SEC63: variants seen among roughly 807,000 people sequenced by gnomAD.
The protein encoded by SEC63 is SEC63 protein translocation regulator, also known as translocation protein SEC63 homolog.
In SEC63, 56 loss-of-function variants were observed where a neutral mutation model predicts 116.2. That is an observed-to-expected ratio of 0.48 (90% CI 0.39 to 0.60). The LOEUF is 0.60. SEC63 is among the 20% of genes least tolerant of loss of function. The pLI is 0.00. For missense variants in SEC63, 668 were observed against 900.0 expected (o/e 0.74, Z 3.30); for synonymous variants, 273 against 294.6 (o/e 0.93, Z 0.75).
At chr6:107,896,646 C>CT (rs1370793158) in intron 14 of SEC63, among the ~76,000 whole-genome samples, 1 of 152,124 alleles carries the variant, frequency 6.6e-6, no homozygotes, top group Non-Finnish European at 1.5e-5. Flanking sequence ...ATTATGCACT[C>CT]TGATCATTTG....
chr6:107,896,478 G>A (rs536893285), intron 14 of SEC63, among the ~76,000 whole-genome samples: 6 of 152,140 alleles, frequency 3.9e-5, no homozygotes, highest in East Asian at 1.9e-4. Context: ...TCAAAAAAAA[G>A]ATGAAGGAAA....
intron 13 of SEC63, among the ~76,000 whole-genome samples, chr6:107,898,987 G>T (rs550339445): frequency 1.3e-5 from 2 of 152,150 alleles, no homozygotes; most frequent in Non-Finnish European, 2.9e-5. Flanking sequence ...CTTCACCCTG[G>T]AAGTCTCCAT....
At chr6:107,926,675 A>G (rs1173930647) in intron 2 of SEC63, among the ~76,000 whole-genome samples, 1 of 152,212 alleles carries the variant, frequency 6.6e-6, no homozygotes, top group East Asian at 1.9e-4. Flanking sequence ...TGTTTTCCCA[A>G]CTCATCCAAA....
intron 1 of SEC63, among the ~76,000 whole-genome samples, chr6:107,937,652 T>C (rs1770286459): frequency 6.6e-6 from 1 of 152,202 alleles, no homozygotes. Flanking sequence ...CTAGTTTACA[T>C]TCCCACCAGC....
chr6:107,955,496 T>G (rs1324744881), intron 1 of SEC63, among the ~76,000 whole-genome samples: 1 of 152,186 alleles, frequency 6.6e-6, no homozygotes, highest in East Asian at 1.9e-4. Flanking sequence ...TTAAATAAAG[T>G]AAAAGTTGAA....
chr6:107,927,301 G>C (rs1266321650), intron 2 of SEC63, among the ~76,000 whole-genome samples: 1 of 152,012 alleles, frequency 6.6e-6, no homozygotes, highest in African/African-American at 2.4e-5. Flanking sequence ...CCTGACCTCA[G>C]GGGATCCGCC....
chr6:107,890,845 T>C (rs1786663838), intron 16 of SEC63, among the ~76,000 whole-genome samples: 1 of 152,234 alleles, frequency 6.6e-6, no homozygotes, highest in Non-Finnish European at 1.5e-5. Context: ...TTTGGCTGGA[T>C]ATTAAATTCT....
intron 1 of SEC63, among the ~76,000 whole-genome samples, chr6:107,946,224 C>T (rs554783708): frequency 2.0e-5 from 3 of 151,254 alleles, no homozygotes; most frequent in African/African-American, 4.9e-5. Context: ...CATAAGCCAC[C>T]GCACCTGACC....
intron 4 of SEC63, among the ~76,000 whole-genome samples, chr6:107,914,519 A>G (rs556223293): frequency 1.3e-5 from 2 of 152,312 alleles, no homozygotes; most frequent in South Asian, 4.1e-4. Flanking sequence ...TCATTTATGC[A>G]AACAGGTGCC....
intron 1 of SEC63, among the ~76,000 whole-genome samples, chr6:107,934,699 GC>G (rs1770162888): frequency 2.6e-5 from 1 of 38,136 alleles, no homozygotes; most frequent in African/African-American, 1.3e-4. Flanking sequence ...CCGGCCAGCC[GC>G]CCCGTCCGGC....
intron 4 of SEC63, among the ~76,000 whole-genome samples, chr6:107,921,358 T>G (rs1271165497): frequency 6.6e-6 from 1 of 152,218 alleles, no homozygotes; most frequent in East Asian, 1.9e-4. Flanking sequence ...TTAGTGCTGC[T>G]GTGTAGCCCC....
intron 16 of SEC63, among the ~76,000 whole-genome samples, chr6:107,883,773 C>G (rs1786465528): frequency 6.6e-6 from 1 of 150,940 alleles, no homozygotes; most frequent in Non-Finnish European, 1.5e-5. Flanking sequence ...TGCCACAGCA[C>G]TTCAGTCTGG....
chr6:107,925,521 G>A (rs1036143857), intron 2 of SEC63, among the ~76,000 whole-genome samples: 1 of 152,002 alleles, frequency 6.6e-6, no homozygotes, highest in African/African-American at 2.4e-5. Context: ...GTTCATAATC[G>A]GTTAAAATAA....
chr6:107,950,175 T>A (rs1184123694), intron 1 of SEC63, among the ~76,000 whole-genome samples: 4 of 152,076 alleles, frequency 2.6e-5, no homozygotes, highest in Non-Finnish European at 5.9e-5. Flanking sequence ...CAAAAAAGAT[T>A]ACAAGAGATA....
intron 16 of SEC63, among the ~76,000 whole-genome samples, chr6:107,892,459 C>G (rs890940993): frequency 6.6e-6 from 1 of 152,014 alleles, no homozygotes; most frequent in Non-Finnish European, 1.5e-5. Context: ...CAGAAGAAAA[C>G]AGAAAAATAC....
chr6:107,947,698 T>G (rs761303513), intron 1 of SEC63, among the ~76,000 whole-genome samples: 4 of 152,112 alleles, frequency 2.6e-5, no homozygotes, highest in Non-Finnish European at 5.9e-5. Flanking sequence ...AAATTCAAAA[T>G]CTGCACTCCA....
chr6:107,876,751 T>G (rs2114395880), intron 18 of SEC63, 89 bp from the exon 19 acceptor site: 1 of 823,428 alleles, frequency 1.2e-6, no homozygotes, highest in East Asian at 2.5e-5. Flanking sequence ...TCTCTTATCT[T>G]AGAGATCCTC....
Position 107,883,362 on chromosome 6 carries a change from G to C in SEC63, c.1675-216C>G, listed in dbSNP as rs1786456724. On this transcript the variant is annotated intron_variant, in intron 16 of 20. Transcript: ENST00000369002. ...TATCTGGCTAGTCTGTCTATTGTTAGTTATTTTATTCATTCTTCATAATTT... is the reference window on the plus strand; with the variant it reads ...TATCTGGCTAGTCTGTCTATTGTTACTTATTTTATTCATTCTTCATAATTT... The C allele has an allele frequency of 9.5e-6, 5 of 527,180 alleles. No individual in the cohort carries two copies. In the East Asian group the frequency reaches 1.3e-4, roughly 14 times the overall value. 32.7% of individuals were successfully genotyped at this position (527,180 alleles called of 1,614,324 possible).
intron 10 of SEC63, among the ~76,000 whole-genome samples, chr6:107,905,268 C>G (rs1319561375): frequency 6.6e-6 from 1 of 152,188 alleles, no homozygotes; most frequent in African/African-American, 2.4e-5. Context: ...CTGTACAGAA[C>G]ATTAGCAACA....
Sources: allele counts gnomAD v4.1 joint callset (sites outside exome capture counted in the v4.1 genomes callset), GRCh38; gene constraint gnomAD v4.1.1; transcripts MANE v1.5; gene names NCBI Gene and HGNC (gene_info 2026-07-23, HGNC 2026-07-21).